The following TMEM232 variants were observed in gnomAD, a reference collection of about 807,000 sequenced individuals.
The protein encoded by TMEM232 is transmembrane protein 232.
Under a neutral mutation model 78.8 loss-of-function variants are expected in TMEM232, and 80 were observed. The ratio of observed to expected loss-of-function variants is 1.01; its 90% CI spans 0.85 to 1.22. The LOEUF is 1.22. Among genes scored for constraint, TMEM232 ranks in the 50% most tolerant of loss-of-function variants. TMEM232 has a pLI of 0.00. For synonymous variants in TMEM232, 297 were observed against 254.3 expected (o/e 1.17, Z -1.60); for missense variants, 881 against 742.2 (o/e 1.19, Z -2.17).
intron 12 of TMEM232, among the ~76,000 whole-genome samples, chr5:110,525,945 G>A (rs1026741697): frequency 1.6e-4 from 23 of 140,610 alleles, no homozygotes; most frequent in African/African-American, 5.0e-4. Context: ...CAGGAAAATT[G>A]TTAAGGGAAG....
At chr5:110,432,418 C>T (rs1367138267) in intron 12 of TMEM232, among the ~76,000 whole-genome samples, 2 of 151,492 alleles carry the variant, frequency 1.3e-5, no homozygotes, top group African/African-American at 4.8e-5. Context: ...AAGTTTTTCC[C>T]AAACATGCAG....
At chr5:110,539,817 A>G (rs1772870874) in intron 11 of TMEM232, among the ~76,000 whole-genome samples, 1 of 152,202 alleles carries the variant, frequency 6.6e-6, no homozygotes, top group Admixed American at 6.5e-5. Context: ...AAGGCTTAGA[A>G]TAACCTTCAA....
rs368923705 is a variant in TMEM232 at position 110,687,135 on chromosome 5, AT to A, written c.-12-19772del. 4.3e-4 allele frequency among the ~76,000 whole-genome samples: 65 copies of A among 152,306 alleles called. No individual in the cohort carries two copies. In the East Asian group the frequency reaches 0.012, roughly 28 times the overall value. On this transcript the variant is annotated intron_variant, in intron 1 of 13. Transcript: ENST00000455884. ...CTTTCTTCCCCCTGAGAAAAGAAAAATAACTCAGGGGAGTTTGAATAGTGCT... is the reference window on the plus strand; with the variant it reads ...CTTTCTTCCCCCTGAGAAAAGAAAAAAACTCAGGGGAGTTTGAATAGTGCT...
chr5:110,581,365 T>C (rs1778192810), intron 10 of TMEM232, among the ~76,000 whole-genome samples: 1 of 151,794 alleles, frequency 6.6e-6, no homozygotes. Flanking sequence ...TGAAGCCACA[T>C]ACTTACAACC....
chr5:110,608,481 G>A (rs1781778723), intron 8 of TMEM232, among the ~76,000 whole-genome samples: 1 of 151,698 alleles, frequency 6.6e-6, no homozygotes, highest in Non-Finnish European at 1.5e-5. Context: ...TACTCATAGA[G>A]TTCGTAAAAC....
chr5:110,413,138 T>C (rs311714), intron 2 of TMEM232, among the ~76,000 whole-genome samples: 1 of 151,806 alleles, frequency 6.6e-6, no homozygotes, highest in African/African-American at 2.4e-5. Context: ...ACCCTCAATG[T>C]GGGTGGGCAT....
chr5:110,438,325 A>C (rs2112735358), intron 12 of TMEM232, among the ~76,000 whole-genome samples: 1 of 151,706 alleles, frequency 6.6e-6, no homozygotes, highest in African/African-American at 2.4e-5. Flanking sequence ...CTGCTCAGAA[A>C]TATAGAGGGG....
intron 12 of TMEM232, among the ~76,000 whole-genome samples, chr5:110,514,935 T>C (rs1768375586): frequency 6.6e-6 from 1 of 152,178 alleles, no homozygotes; most frequent in South Asian, 2.1e-4. Context: ...GTTCTAAAAA[T>C]CATACGGCAG....
chr5:110,608,850 A>T (rs1781828702), intron 8 of TMEM232, among the ~76,000 whole-genome samples: 1 of 152,070 alleles, frequency 6.6e-6, no homozygotes, highest in South Asian at 2.1e-4. Context: ...TTCTTTGTGA[A>T]CTCATTATAA....
intron 3 of TMEM232, among the ~76,000 whole-genome samples, chr5:110,397,286 T>C (rs1755423849): frequency 6.6e-6 from 1 of 152,134 alleles, no homozygotes; most frequent in African/African-American, 2.4e-5. Flanking sequence ...ATGAAAAACA[T>C]GTATAACATA....
intron 2 of TMEM232, among the ~76,000 whole-genome samples, chr5:110,649,559 A>G (rs1032316767): frequency 5.3e-5 from 8 of 152,226 alleles, no homozygotes; most frequent in African/African-American, 1.9e-4. Context: ...CTAGTAAAGC[A>G]TATACTAGTA....
At chr5:110,395,887 T>C (rs988942111) in intron 3 of TMEM232, among the ~76,000 whole-genome samples, 2 of 152,152 alleles carry the variant, frequency 1.3e-5, no homozygotes, top group African/African-American at 4.8e-5. Context: ...CAAATTTAGG[T>C]GAGAGATCTC....
downstream of TMEM232, chr5:110,417,594 T>G (rs1463983048): frequency 2.0e-5 from 3 of 151,632 alleles, no homozygotes; most frequent in South Asian, 6.2e-4. Context: ...AAGGTGATGC[T>G]TTCTTTCAAA....
intron 12 of TMEM232, among the ~76,000 whole-genome samples, chr5:110,480,284 T>A (rs1424160403): frequency 6.6e-6 from 1 of 151,976 alleles, no homozygotes; most frequent in Admixed American, 6.6e-5. Context: ...ATTTTTTATA[T>A]TCATCTTTTA....
chr5:110,632,255 T>C (rs1785224494), intron 5 of TMEM232, among the ~76,000 whole-genome samples: 1 of 151,894 alleles, frequency 6.6e-6, no homozygotes, highest in Non-Finnish European at 1.5e-5. Context: ...AATCCTCCAC[T>C]GTGAAAGCAA....
At chr5:110,454,085 T>C (rs1030754759) in intron 12 of TMEM232, among the ~76,000 whole-genome samples, 2 of 152,292 alleles carry the variant, frequency 1.3e-5, no homozygotes, top group Non-Finnish European at 2.9e-5. Context: ...CAATCCTCTC[T>C]TGGCAATTAA....
At chr5:110,666,607 A>T (rs1301591089) in intron 2 of TMEM232, 1 of 152,058 alleles carries the variant, frequency 6.6e-6, no homozygotes, top group Non-Finnish European at 1.5e-5. Flanking sequence ...TCAGCATATT[A>T]TGTTTATATG....
intron 12 of TMEM232, among the ~76,000 whole-genome samples, chr5:110,499,305 T>G (rs1304851411): frequency 6.6e-6 from 1 of 152,194 alleles, no homozygotes; most frequent in Non-Finnish European, 1.5e-5. Context: ...ACTTTTTGTT[T>G]TCTTTGAGAT....
chr5:110,508,582 T>C (rs2149462252), intron 12 of TMEM232, among the ~76,000 whole-genome samples: 1 of 150,930 alleles, frequency 6.6e-6, no homozygotes, highest in African/African-American at 2.4e-5. Context: ...ATGGAGTCCA[T>C]ATTGCAGAGT....
Sources: allele counts gnomAD v4.1 joint callset (sites outside exome capture counted in the v4.1 genomes callset), GRCh38; gene constraint gnomAD v4.1.1; transcripts MANE v1.5; gene names NCBI Gene and HGNC (gene_info 2026-07-23, HGNC 2026-07-21).